ZNF254: variants seen among roughly 807,000 people sequenced by gnomAD.
The protein encoded by ZNF254 is zinc finger protein 254.
In ZNF254, 10 loss-of-function variants were observed where a neutral mutation model predicts 12.4. The ratio of observed to expected loss-of-function variants is 0.80; its 90% CI spans 0.50 to 1.36. ZNF254 has a LOEUF of 1.36. Ranked by LOEUF, ZNF254 falls within the 40% of genes most tolerant of loss-of-function variation. The pLI, the probability that ZNF254 is intolerant of heterozygous loss-of-function variation, is 0.00. For missense variants in ZNF254, 996 were observed against 763.9 expected, an observed-to-expected ratio of 1.30 and a Z score of -3.58; for synonymous variants, 305 against 253.4, an observed-to-expected ratio of 1.20 and a Z score of -1.93.
intron 2 of ZNF254, chr19:24,066,635 C>G (rs1971278644): frequency 6.6e-6 from 1 of 152,062 alleles, no homozygotes; most frequent in African/African-American, 2.4e-5. Context: ...ATCACAAAGT[C>G]AGGAGTTCGA....
intron 3 of ZNF254, among the ~76,000 whole-genome samples, chr19:24,107,657 A>G (rs1487105613): frequency 6.6e-6 from 1 of 152,148 alleles, no homozygotes; most frequent in Non-Finnish European, 1.5e-5. Flanking sequence ...TTCAATTTCA[A>G]TGACTTTAAA....
rs563439788 is a variant in ZNF254 at position 24,041,356 on chromosome 19, G to C, written c.-189-4828G>C. 1.2e-4 allele frequency among the ~76,000 whole-genome samples: 18 copies of C among 152,352 alleles called. No homozygotes were observed. The South Asian group carries it at 3.7e-3, about 32-fold the overall frequency. Reference sequence around the variant, plus strand: ...AACCGGGGCTGCGTGCGGCGCTTGCGGGCCAGCTGGAGTTCCGGGTGGGCG... The same window carrying C: ...AACCGGGGCTGCGTGCGGCGCTTGCCGGCCAGCTGGAGTTCCGGGTGGGCG... On this transcript the variant is annotated intron_variant, in intron 1 of 4. Transcript: ENST00000613065.
chr19:24,052,880 A>T (rs2098768326), intron 2 of ZNF254, among the ~76,000 whole-genome samples: 1 of 152,198 alleles, frequency 6.6e-6, no homozygotes, highest in Non-Finnish European at 1.5e-5. Context: ...TCTCATAGCC[A>T]GGGTCAGGAA....
In ZNF254 at chr19:24,127,425, A is replaced by G. The variant is rs1010416989; in HGVS notation, c.1425A>G (p.Ser475=). ...EECGKAFIWS[S]TLTRHKRMHT... ...GTGGCAAGGCATTTATATGGTCCTC[A>G]ACCCTAACTAGACATAAGAGGATGC... Residue 475 remains serine, a synonymous_variant, in exon 4 of 4, where the codon TCA becomes TCG. Coordinates refer to ENST00000357002, the MANE Select transcript of ZNF254 (RefSeq NM_203282.4). 2 of 1,612,486 alleles carry G rather than the reference A, an allele frequency of 1.2e-6. No homozygotes were observed. The highest frequency in any genetic ancestry group is 2.7e-5 in the African/African-American group (2 of 74,814).
chr19:24,071,400 C>A (rs917082979), intron 2 of ZNF254, among the ~76,000 whole-genome samples: 4 of 152,182 alleles, frequency 2.6e-5, no homozygotes, highest in African/African-American at 9.7e-5. Context: ...TGAGACCTGT[C>A]AACAGTGGGG....
chr19:24,045,466 G>A (rs1204686125), intron 1 of ZNF254, among the ~76,000 whole-genome samples: 1 of 151,914 alleles, frequency 6.6e-6, no homozygotes, highest in African/African-American at 2.4e-5. Flanking sequence ...TCGGGAGATC[G>A]AGATCATCCT....
chr19:24,119,992 G>A (rs1974370853), intron 3 of ZNF254, among the ~76,000 whole-genome samples: 1 of 151,730 alleles, frequency 6.6e-6, no homozygotes, highest in African/African-American at 2.4e-5. Flanking sequence ...TTGTATATTA[G>A]TCTGTTTTCA....
intron 1 of ZNF254, among the ~76,000 whole-genome samples, chr19:24,089,879 GAAAAC>G (rs918528382): frequency 2.2e-4 from 33 of 151,738 alleles, no homozygotes; most frequent in South Asian, 1.5e-3. Context: ...AAAATTTCTA[GAAAAC>G]AAAACAAAAC....
chr19:24,075,773 TG>T (rs898345917), intron 2 of ZNF254, among the ~76,000 whole-genome samples: 4 of 152,212 alleles, frequency 2.6e-5, no homozygotes, highest in Non-Finnish European at 5.9e-5. Context: ...CTAGCAAGCC[TG>T]GGGGCGCTGC....
upstream of ZNF254, among the ~76,000 whole-genome samples, chr19:24,086,458 A>C (rs1315284429): frequency 6.6e-6 from 1 of 151,838 alleles, no homozygotes; most frequent in African/African-American, 2.4e-5. Context: ...GGCGTGCGCC[A>C]CCATGCCCAG....
At chr19:24,048,220 T>C (rs943082615) in intron 2 of ZNF254, among the ~76,000 whole-genome samples, 4 of 152,024 alleles carry the variant, frequency 2.6e-5, no homozygotes, top group African/African-American at 9.7e-5. Flanking sequence ...ACGTTTGGGT[T>C]GATCAGAGAT....
chr19:24,115,288 A>C (rs1376903552), intron 3 of ZNF254, among the ~76,000 whole-genome samples: 1 of 152,146 alleles, frequency 6.6e-6, no homozygotes, highest in Non-Finnish European at 1.5e-5. Context: ...ATGTCCAACA[A>C]TGATAGACTG....
At chr19:24,085,002 G>A (rs893841593), upstream of ZNF254, among the ~76,000 whole-genome samples, 31 of 142,540 alleles carry the variant, frequency 2.2e-4, no homozygotes, top group Middle Eastern at 4.1e-3. Context: ...ACCTGATCTT[G>A]GCTCACTTCA....
intron 2 of ZNF254, chr19:24,079,178 A>T (rs1971761722): frequency 6.6e-6 from 1 of 152,144 alleles, no homozygotes; most frequent in Admixed American, 6.5e-5. Context: ...TCCATGTTTC[A>T]TGAGAGAAAT....
chr19:24,097,580 G>A (rs887829678), intron 1 of ZNF254, among the ~76,000 whole-genome samples: 2 of 151,958 alleles, frequency 1.3e-5, no homozygotes, highest in Non-Finnish European at 2.9e-5. Context: ...TTGGGAGTTC[G>A]AGACCATCCT....
In ZNF254 at chr19:24,106,007, C is replaced by T. The variant is rs1268861546; in HGVS notation, c.98C>T (p.Ala33Val). The T allele has an allele frequency of 5.6e-6, 9 of 1,600,104 alleles. 1 individual carries two copies. The highest frequency in any genetic ancestry group is 6.8e-6 in the Non-Finnish European group (8 of 1,171,752). Residue 33 changes from alanine to valine, a missense_variant, in exon 2 of 4, where the codon GCA (alanine) becomes GTA (valine). By Grantham distance (64) the Ala-to-Val change is moderately conservative. Coordinates refer to ENST00000357002, the MANE Select transcript of ZNF254 (RefSeq NM_203282.4). The stretch of plus-strand genomic sequence containing the variant: ...GAGGAGTGGCAACACCTGGACATTG[C>T]ACAGCAGAATTTATATAGAAATGTG... Reference protein sequence around the residue: ...SLEEWQHLDIAQQNLYRNVML... With the variant: ...SLEEWQHLDIVQQNLYRNVML...
chr19:24,074,707 C>T (rs992833590), intron 2 of ZNF254, among the ~76,000 whole-genome samples: 16 of 152,122 alleles, frequency 1.1e-4, no homozygotes, highest in Admixed American at 5.9e-4. Flanking sequence ...TGTGATGTAT[C>T]ACTTGGCCCA....
intron 3 of ZNF254, among the ~76,000 whole-genome samples, chr19:24,118,143 C>T (rs1016953157): frequency 2.2e-4 from 33 of 151,654 alleles, no homozygotes; most frequent in African/African-American, 7.3e-4. Context: ...ACCTCCGCCT[C>T]CCGGGTTTCA....
intron 1 of ZNF254, among the ~76,000 whole-genome samples, chr19:24,103,293 CAG>C (rs1973139334): frequency 6.6e-6 from 1 of 152,132 alleles, no homozygotes; most frequent in Admixed American, 6.6e-5. Context: ...ACAATGAGCC[CAG>C]AGAGAGTGAC....
Sources: allele counts gnomAD v4.1 joint callset (sites outside exome capture counted in the v4.1 genomes callset), GRCh38; gene constraint gnomAD v4.1.1; transcripts MANE v1.5; gene names NCBI Gene and HGNC (gene_info 2026-07-23, HGNC 2026-07-21).